Variants in LRIG3 observed in about 807,000 individuals in gnomAD.
LRIG3 encodes leucine-rich repeats and immunoglobulin-like domains protein 3.
A neutral mutation model predicts 114.5 loss-of-function variants in LRIG3; 76 were observed. The observed-to-expected ratio is 0.66, with a 90% CI of 0.55 to 0.80. The LOEUF is 0.80. Ranked by LOEUF, LRIG3 falls within the 30% of genes least tolerant of loss-of-function variation. LRIG3 has a pLI of 0.00. For missense variants in LRIG3, 1,239 were observed against 1,382.8 expected (o/e 0.90, Z 1.65); for synonymous variants, 512 against 519.8 (o/e 0.98, Z 0.20).
chr12:58,919,629 C>T (rs1872599717), intron 1 of LRIG3: 2 of 1,462,312 alleles, frequency 1.4e-6, no homozygotes, highest in East Asian at 4.9e-5. Flanking sequence ...ACTGCAAACT[C>T]CTGATGTGTG....
chr12:58,905,681 T>C (rs748406022), intron 3 of LRIG3, among the ~76,000 whole-genome samples: 1 of 152,136 alleles, frequency 6.6e-6, no homozygotes, highest in African/African-American at 2.4e-5. Flanking sequence ...AATGGTTTAA[T>C]AGATTAATGA....
intron 3 of LRIG3, among the ~76,000 whole-genome samples, chr12:58,901,752 G>GT (rs1871856670): frequency 6.6e-6 from 1 of 152,168 alleles, no homozygotes; most frequent in African/African-American, 2.4e-5. Flanking sequence ...CTAGCACACA[G>GT]AACGACAACA....
chr12:58,887,977 C>A (rs747129340), intron 7 of LRIG3, 45 bp from the exon 8 acceptor site: 1 of 1,564,590 alleles, frequency 6.4e-7, no homozygotes, highest in Non-Finnish European at 8.7e-7. Flanking sequence ...TTTTTCAATT[C>A]AACACAATGA....
chr12:58,875,876 C>T (rs899888235), intron 16 of LRIG3, among the ~76,000 whole-genome samples: 1 of 152,118 alleles, frequency 6.6e-6, no homozygotes, highest in African/African-American at 2.4e-5. Flanking sequence ...CCCATCTCTA[C>T]TAAAAATACA....
intron 3 of LRIG3, 83 bp from the exon 4 acceptor site, chr12:58,890,879 T>C: frequency 2.9e-6 from 4 of 1,397,972 alleles, no homozygotes; most frequent in Admixed American, 2.4e-5. Context: ...TCCTGACTGG[T>C]TCTTCAGAAA....
In LRIG3 at chr12:58,888,331, C is replaced by T; in HGVS notation, c.945G>A (p.Glu315=). The T allele has an allele frequency of 6.2e-7, 1 of 1,612,734 alleles. No individual in the cohort carries two copies. The highest frequency in any genetic ancestry group is 8.5e-7 in the Non-Finnish European group (1 of 1,178,944). ...AGAATAAATAAAAGGCAACTCACAG[C>T]TCACTGAGCTTCTGGCAGAACTCCC... The part of the protein sequence containing the change: ...DAWEFCQKLS[E]LDLTFNHLSR... Residue 315 remains glutamate (E), a splice_region_variant and synonymous_variant, in exon 7 of 19, where the codon GAG becomes GAA. Coordinates refer to ENST00000320743, the MANE Select transcript of LRIG3 (RefSeq NM_153377.5).
intron 3 of LRIG3, among the ~76,000 whole-genome samples, chr12:58,912,487 C>T (rs1872321069): frequency 6.6e-6 from 1 of 151,808 alleles, no homozygotes; most frequent in Non-Finnish European, 1.5e-5. Flanking sequence ...CAGAGCAAGA[C>T]TCTGTCTCAA....
Position 58,920,448 on chromosome 12 carries a change from C to T in LRIG3, c.-213G>A, listed in dbSNP as rs1476170702. On this transcript the variant is annotated 5_prime_UTR_variant, in exon 1 of 19. Transcript: ENST00000320743. The stretch of plus-strand genomic sequence containing the variant: ...GAGGGAAACCGAAAAGAACTGCCAA[C>T]TGCAACAGAGTTGCAGCTTGAGCAG... The T allele has an allele frequency of 9.9e-6, 4 of 404,714 alleles. No homozygotes were observed. Among genetic ancestry groups the T allele is most frequent in the African/African-American group, 6.2e-5 (3 of 48,050 alleles). The allele number at this position is 404,714 out of a possible 1,614,324, so 25.1% of individuals were successfully genotyped here. A position where few individuals can be genotyped will look rare whatever the true frequency, so the allele number is the denominator to read the frequency against.
chr12:58,887,707 C>A, intron 8 of LRIG3, 82 bp downstream of exon 8: 1 of 1,463,858 alleles, frequency 6.8e-7, no homozygotes, highest in South Asian at 1.2e-5. Context: ...TCCTTGACAA[C>A]AAAGGAAATC....
intron 12 of LRIG3, among the ~76,000 whole-genome samples, chr12:58,881,288 A>T (rs181022842): frequency 8.9e-4 from 136 of 152,300 alleles, no homozygotes; most frequent in Non-Finnish European, 1.6e-3. Flanking sequence ...AATTGTTCCC[A>T]TGTTCTCCCC....
intron 3 of LRIG3, among the ~76,000 whole-genome samples, chr12:58,911,440 A>C (rs1872271134): frequency 6.6e-6 from 1 of 152,202 alleles, no homozygotes; most frequent in Non-Finnish European, 1.5e-5. Context: ...GACTTCAACT[A>C]ATTACTCATT....
chr12:58,875,436 A>G lies in LRIG3; in HGVS notation c.2696-863T>C, dbSNP rs1367714331. 2.0e-5 allele frequency among the ~76,000 whole-genome samples: 3 copies of G among 152,340 alleles called. No homozygotes were observed. In the East Asian group the frequency reaches 5.8e-4, roughly 29 times the overall value. ...CCTCTGACGAAACTGTGAAATTGAA[A>G]ACATATACTTCTCTCCCAACTACAA... On this transcript the variant is annotated intron_variant, in intron 16 of 18. Coordinates refer to ENST00000320743, the MANE Select transcript of LRIG3 (RefSeq NM_153377.5).
intron 16 of LRIG3, among the ~76,000 whole-genome samples, chr12:58,876,064 A>G (rs77100007): frequency 1.3e-5 from 2 of 152,040 alleles, no homozygotes; most frequent in African/African-American, 4.8e-5. Context: ...ATAAATAAAA[A>G]TAAATAAATA....
chr12:58,913,736 A>G (rs1408796016), intron 3 of LRIG3: 3 of 439,444 alleles, frequency 6.8e-6, no homozygotes, highest in African/African-American at 6.1e-5. Context: ...GCCTCTTTGA[A>G]TCTCGAAGAC....
intron 10 of LRIG3, 103 bp from the exon 11 acceptor site, chr12:58,883,694 A>T (rs1293387137): frequency 1.5e-6 from 1 of 682,836 alleles, no homozygotes; most frequent in South Asian, 2.8e-5. Context: ...CCAAACAAAT[A>T]CTCCCTCTAT....
intron 15 of LRIG3, 56 bp downstream of exon 15, chr12:58,877,344 C>T: frequency 6.5e-7 from 1 of 1,537,742 alleles, no homozygotes; most frequent in South Asian, 1.2e-5. Flanking sequence ...GAAGTATTTG[C>T]AGAACCACAA....
In LRIG3 at chr12:58,909,045, CCTCA is replaced by C. The variant is rs568024572; in HGVS notation, c.383+4933_383+4936del. Among the ~76,000 whole-genome samples, 189 of 152,312 alleles carry C rather than the reference CCTCA, an allele frequency of 1.2e-3. 1 individual carries two copies. The highest frequency in any genetic ancestry group is 4.4e-3 in the African/African-American group (181 of 41,572). On this transcript the variant is annotated intron_variant, in intron 3 of 18. Coordinates refer to ENST00000320743, the MANE Select transcript of LRIG3 (RefSeq NM_153377.5). ...CCCCAGAAACACACACAACTCCCTC[CCTCA>C]CTTTCAGTCCCTGATTCAAGTATCT... is the stretch of plus-strand genomic sequence containing the variant.
At chr12:58,902,092 G>A (rs1391057371) in intron 3 of LRIG3, among the ~76,000 whole-genome samples, 2 of 152,088 alleles carry the variant, frequency 1.3e-5, no homozygotes, top group Non-Finnish European at 2.9e-5. Context: ...AGGAAATTAA[G>A]ACAGGAAAGG....
chr12:58,887,001 T>C (rs1592298450), intron 8 of LRIG3, 111 bp from the exon 9 acceptor site: 1 of 668,496 alleles, frequency 1.5e-6, no homozygotes, highest in South Asian at 2.0e-5. Context: ...CCACATTATC[T>C]CCACCTCTCT....
Sources: gnomAD v4.1 joint callset for allele counts (sites outside exome capture counted in the v4.1 genomes callset) on GRCh38, gnomAD v4.1.1 for gene constraint, MANE v1.5 for transcripts, NCBI Gene and HGNC (gene_info 2026-07-23, HGNC 2026-07-21) for gene names.